MRTFA: variants seen among roughly 807,000 people sequenced by gnomAD.
The protein encoded by MRTFA is myocardin related transcription factor A.
MRTFA carries 20 observed loss-of-function variants against 83.5 expected under a neutral mutation model. The observed-to-expected ratio is 0.24, with a 90% confidence interval of 0.17 to 0.35. MRTFA has a LOEUF of 0.35. MRTFA is among the 10% of genes least tolerant of loss of function. MRTFA has a pLI of 1.00. For missense variants in MRTFA, 1,200 were observed against 1,224.7 expected (o/e 0.98, Z 0.30); for synonymous variants, 659 against 541.2 (o/e 1.22, Z -3.02).
At chr22:40,617,156 A>AGGAAGGAG (rs1162686963) in intron 1 of MRTFA, among the ~76,000 whole-genome samples, 158 of 101,804 alleles carry the variant, frequency 1.6e-3, no homozygotes, top group East Asian at 3.6e-3. Flanking sequence ...GAAGGAAGGA[A>AGGAAGGAG]GGAAGGAGGG....
intron 2 of MRTFA, among the ~76,000 whole-genome samples, chr22:40,570,478 T>C (rs982384448): frequency 2.1e-5 from 3 of 143,666 alleles, no homozygotes; most frequent in African/African-American, 7.9e-5. Flanking sequence ...CTCGGGAGGC[T>C]GAGGCAGGAG....
intron 3 of MRTFA, among the ~76,000 whole-genome samples, chr22:40,467,399 C>T (rs566650828): frequency 6.6e-6 from 1 of 152,230 alleles, no homozygotes; most frequent in Non-Finnish European, 1.5e-5. Context: ...CTTCCAACTA[C>T]AAAGAAACAG....
intron 3 of MRTFA, among the ~76,000 whole-genome samples, chr22:40,528,174 TTC>T (rs922856049): frequency 2.3e-4 from 35 of 152,294 alleles, no homozygotes; most frequent in African/African-American, 8.4e-4. Flanking sequence ...GCCTGTCGCA[TTC>T]TGACTCCACT....
At chr22:40,440,987 C>T (rs2053264540) in intron 4 of MRTFA, among the ~76,000 whole-genome samples, 1 of 152,194 alleles carries the variant, frequency 6.6e-6, no homozygotes, top group Admixed American at 6.5e-5. Context: ...ACCTTAATAG[C>T]TTTGCTAGGA....
At chr22:40,443,834 C>T (rs1161040565) in intron 4 of MRTFA, among the ~76,000 whole-genome samples, 1 of 152,144 alleles carries the variant, frequency 6.6e-6, no homozygotes, top group Non-Finnish European at 1.5e-5. Flanking sequence ...AACACCCCTC[C>T]CTATCTGGCA....
chr22:40,530,270 C>T (rs953863336), intron 3 of MRTFA, among the ~76,000 whole-genome samples: 1 of 152,148 alleles, frequency 6.6e-6, no homozygotes, highest in African/African-American at 2.4e-5. Flanking sequence ...TTCTGAAATT[C>T]CATAATGTCC....
At chr22:40,614,134 A>G (rs2056420576) in intron 1 of MRTFA, among the ~76,000 whole-genome samples, 1 of 151,990 alleles carries the variant, frequency 6.6e-6, no homozygotes, top group Admixed American at 6.6e-5. Context: ...TCTAGGCGGC[A>G]GAGGTTGCAG....
At chr22:40,424,639 C>G (rs569750104) in intron 7 of MRTFA, among the ~76,000 whole-genome samples, 8 of 152,348 alleles carry the variant, frequency 5.3e-5, no homozygotes, top group Non-Finnish European at 1.2e-4. Flanking sequence ...CAAACGCCTC[C>G]TTTAGCCTCT....
At chr22:40,636,202 C>G (rs1326870332) in intron 1 of MRTFA, among the ~76,000 whole-genome samples, 1 of 152,212 alleles carries the variant, frequency 6.6e-6, no homozygotes, top group African/African-American at 2.4e-5. Context: ...CTCCCCGCCC[C>G]GCGCAGCACA....
chr22:40,514,150 T>G (rs903437652), intron 3 of MRTFA, among the ~76,000 whole-genome samples: 1 of 151,684 alleles, frequency 6.6e-6, no homozygotes, highest in African/African-American at 2.4e-5. Context: ...TCCCATGTAC[T>G]CGGGAGGCTG....
intron 2 of MRTFA, among the ~76,000 whole-genome samples, chr22:40,581,734 A>C (rs1412843090): frequency 6.6e-6 from 1 of 152,196 alleles, no homozygotes; most frequent in Non-Finnish European, 1.5e-5. Flanking sequence ...AATAGGAAAA[A>C]AAAGTTTTCT....
chr22:40,503,366 T>C (rs979815079), intron 3 of MRTFA, among the ~76,000 whole-genome samples: 6 of 152,352 alleles, frequency 3.9e-5, no homozygotes, highest in South Asian at 4.1e-4. Flanking sequence ...TGTGCCACTA[T>C]GCGCAGCTAA....
intron 1 of MRTFA, among the ~76,000 whole-genome samples, chr22:40,611,025 T>C (rs1224969460): frequency 6.7e-6 from 1 of 148,670 alleles, no homozygotes; most frequent in Non-Finnish European, 1.5e-5. Context: ...GCAACCTCCA[T>C]GTCCCGGGCT....
chr22:40,455,345 T>C (rs2053562908), intron 4 of MRTFA, among the ~76,000 whole-genome samples: 1 of 151,788 alleles, frequency 6.6e-6, no homozygotes, highest in Non-Finnish European at 1.5e-5. Context: ...ATTCATAACT[T>C]GGAGAAAAGA....
chr22:40,583,570 C>T (rs2055981001), intron 2 of MRTFA, among the ~76,000 whole-genome samples: 1 of 152,190 alleles, frequency 6.6e-6, no homozygotes, highest in African/African-American at 2.4e-5. Flanking sequence ...TGTTAGGAAC[C>T]AGGCCACACA....
rs115161029 is a variant in MRTFA, at chr22:40,534,383, G to C, written c.241+17723C>G. Among the ~76,000 whole-genome samples the C allele has an allele frequency of 6.2e-3, 938 of 152,286 alleles. 6 individuals are homozygous for C. Among genetic ancestry groups the C allele is most frequent in the African/African-American group, 0.022 (896 of 41,536 alleles). On this transcript the variant is annotated intron_variant, in intron 3 of 14. Transcript: ENST00000355630. ...TCAGATCTGTCAGTCCCCTAAAAGA[G>C]CCTCTTACTTGTGCCTATATTAGAC...
intron 3 of MRTFA, among the ~76,000 whole-genome samples, chr22:40,507,556 G>A (rs1331298541): frequency 2.0e-5 from 3 of 151,932 alleles, no homozygotes; most frequent in Non-Finnish European, 4.4e-5. Flanking sequence ...TGTCAAGGCT[G>A]CAGTGAGCTA....
intron 3 of MRTFA, among the ~76,000 whole-genome samples, chr22:40,531,273 T>C (rs894252104): frequency 6.7e-6 from 1 of 150,048 alleles, no homozygotes; most frequent in African/African-American, 2.4e-5. Context: ...TTTTTTTTTT[T>C]TTTTTTTTTT....
Position 40,448,838 on chromosome 22 carries a change from T to C in MRTFA, c.308-13284A>G, listed in dbSNP as rs2053432568. 2.0e-5 allele frequency among the ~76,000 whole-genome samples: 3 copies of C among 152,296 alleles called. No individual in the cohort carries two copies. In the South Asian group the frequency reaches 6.2e-4, roughly 32 times the overall value. ...AGGCAGTTAACTGACTTGCCAAAAATGACCAGCGATATGGTACAAAGCTAT... is the reference window on the plus strand; with the variant it reads ...AGGCAGTTAACTGACTTGCCAAAAACGACCAGCGATATGGTACAAAGCTAT... On this transcript the variant is annotated intron_variant, in intron 4 of 14. Transcript: ENST00000355630.
Sources: allele counts gnomAD v4.1 joint callset (sites outside exome capture counted in the v4.1 genomes callset), GRCh38; gene constraint gnomAD v4.1.1; transcripts MANE v1.5; gene names NCBI Gene and HGNC (gene_info 2026-07-23, HGNC 2026-07-21).